Variants in SMARCAD1 observed in about 807,000 individuals in gnomAD.
SMARCAD1 encodes SWI/SNF-related matrix-associated actin-dependent regulator of chromatin subfamily A containing DEAD/H box 1.
Under a neutral mutation model 127.1 loss-of-function variants are expected in SMARCAD1, and 25 were observed. The observed-to-expected ratio is 0.20, with a 90% CI of 0.14 to 0.27. The LOEUF (loss-of-function observed/expected upper bound fraction) is 0.27, where lower values mean the gene tolerates loss of function less well. Ranked by LOEUF, SMARCAD1 falls within the 10% of genes least tolerant of loss-of-function variation. The pLI, the probability that SMARCAD1 is intolerant of heterozygous loss-of-function variation, is 1.00. For missense variants in SMARCAD1, 807 were observed against 1,206.0 expected (o/e 0.67, Z 4.90); for synonymous variants, 400 against 396.9 (o/e 1.01, Z -0.09).
intron 9 of SMARCAD1, chr4:94,253,567 C>T: frequency 4.6e-6 from 5 of 1,086,006 alleles, no homozygotes; most frequent in Non-Finnish European, 5.6e-6. Context: ...GCAACGTGGC[C>T]ATTTTATGGA....
chr4:94,249,987 T>C (rs1321527378), intron 7 of SMARCAD1, among the ~76,000 whole-genome samples: 1 of 151,994 alleles, frequency 6.6e-6, no homozygotes, highest in African/African-American at 2.4e-5. Flanking sequence ...AAAATAACCG[T>C]AATAAAAATT....
intron 2 of SMARCAD1, among the ~76,000 whole-genome samples, chr4:94,211,931 A>T (rs1226560690): frequency 9.2e-6 from 1 of 109,098 alleles, no homozygotes; most frequent in African/African-American, 3.6e-5. Flanking sequence ...CATAGTATTT[A>T]TCACTAGCTA....
At chr4:94,259,629 C>A (rs1688021692) in intron 9 of SMARCAD1, among the ~76,000 whole-genome samples, 2 of 152,120 alleles carry the variant, frequency 1.3e-5, no homozygotes, top group African/African-American at 4.8e-5. Flanking sequence ...GTTAAAGCGT[C>A]CTGAAGTAAG....
chr4:94,262,177 A>G (rs1415234277), intron 9 of SMARCAD1, among the ~76,000 whole-genome samples: 1 of 152,166 alleles, frequency 6.6e-6, no homozygotes, highest in Non-Finnish European at 1.5e-5. Flanking sequence ...CCTAAGATAC[A>G]GATCTTTATT....
chr4:94,290,371 A>G lies in SMARCAD1; in HGVS notation c.*837A>G, dbSNP rs1322841280. 2 of 454,446 alleles carry G rather than the reference A, an allele frequency of 4.4e-6. No individual in the cohort carries two copies. Among genetic ancestry groups the G allele is most frequent in the Non-Finnish European group, 4.4e-6 (1 of 226,768 alleles). The allele number at this position is 454,446 out of a possible 1,614,324, so 28.2% of individuals were successfully genotyped here. A position where few individuals can be genotyped will look rare whatever the true frequency, so the allele number is the denominator to read the frequency against. ...CCAATTCTCTTCCTCTCTAAATAGT[A>G]GTTTATTACTGCCACATCTCCATGC... On this transcript the variant is annotated 3_prime_UTR_variant, in exon 24 of 24. Transcript: ENST00000354268.
At chr4:94,238,656 T>G (rs1230964236) in intron 5 of SMARCAD1, among the ~76,000 whole-genome samples, 4 of 152,082 alleles carry the variant, frequency 2.6e-5, no homozygotes, top group Non-Finnish European at 5.9e-5. Context: ...TCCTGAAAAA[T>G]GATACGCTCA....
chr4:94,241,768 G>GT (rs2125885588), intron 6 of SMARCAD1, among the ~76,000 whole-genome samples: 1 of 152,232 alleles, frequency 6.6e-6, no homozygotes, highest in Non-Finnish European at 1.5e-5. Flanking sequence ...AGCACTGACC[G>GT]TAACAATAGC....
At position 94,247,774 on chromosome 4, in the gene SMARCAD1, A is replaced by G. The variant is rs141669221; in HGVS notation, c.706-1880A>G. 3.4e-3 allele frequency among the ~76,000 whole-genome samples: 525 copies of G among 152,308 alleles called. 2 individuals carry two copies. The highest frequency in any genetic ancestry group is 0.012 in the African/African-American group (508 of 41,556). On this transcript the variant is annotated intron_variant, in intron 6 of 23. Coordinates refer to ENST00000354268, the MANE Select transcript of SMARCAD1 (RefSeq NM_020159.5). ...GAACATTTCATTTAGGTGGAATTAT[A>G]TAATATGTAACCTTTTATGTCTAGC...
intron 2 of SMARCAD1, among the ~76,000 whole-genome samples, chr4:94,213,623 A>C (rs899680334): frequency 2.6e-5 from 4 of 152,194 alleles, no homozygotes; most frequent in Middle Eastern, 3.4e-3. Context: ...ATGACTGTAG[A>C]GATGACAGAG....
chr4:94,241,023 A>C lies in SMARCAD1; in HGVS notation c.705+17A>C, dbSNP rs376150132. ...CTGGATCATGTAAGTTTACATTTGA[A>C]TTACAGTATCAAAATTGGCTGCTTA... On this transcript the variant is annotated intron_variant, in intron 6 of 23. Coordinates refer to ENST00000354268, the MANE Select transcript of SMARCAD1 (RefSeq NM_020159.5). 41 of 1,571,964 alleles carry C rather than the reference A, an allele frequency of 2.6e-5. No individual in the cohort carries two copies. The highest frequency in any genetic ancestry group is 1.7e-4 in the Admixed American group (10 of 59,852).
At chr4:94,218,429 A>G (rs943542360) in intron 2 of SMARCAD1, among the ~76,000 whole-genome samples, 1 of 151,972 alleles carries the variant, frequency 6.6e-6, no homozygotes, top group African/African-American at 2.4e-5. Flanking sequence ...AGTAGCTGGT[A>G]CCACAGGCAT....
At chr4:94,264,001 A>G (rs1280571216) in intron 9 of SMARCAD1, among the ~76,000 whole-genome samples, 8 of 152,068 alleles carry the variant, frequency 5.3e-5, no homozygotes, top group African/African-American at 7.2e-5. Flanking sequence ...AAATACAACT[A>G]TATTTTGAAA....
chr4:94,265,728 A>G (rs900072985), intron 10 of SMARCAD1, among the ~76,000 whole-genome samples: 15 of 151,990 alleles, frequency 9.9e-5, no homozygotes, highest in Admixed American at 9.8e-4. Context: ...TATGATATTT[A>G]TAGTGGCAAA....
At chr4:94,262,091 C>A (rs1751078758) in intron 9 of SMARCAD1, among the ~76,000 whole-genome samples, 1 of 152,100 alleles carries the variant, frequency 6.6e-6, no homozygotes, top group Non-Finnish European at 1.5e-5. Flanking sequence ...TGTGCTTTTC[C>A]TTAGGTAATC....
At chr4:94,283,439 C>A in intron 22 of SMARCAD1, 136 bp downstream of exon 22, 1 of 769,316 alleles carries the variant, frequency 1.3e-6, no homozygotes. Context: ...TATTTTATAC[C>A]AGCAGTGTTG....
At chr4:94,239,186 TG>T (rs1747182718) in intron 5 of SMARCAD1, among the ~76,000 whole-genome samples, 1 of 152,230 alleles carries the variant, frequency 6.6e-6, no homozygotes, top group African/African-American at 2.4e-5. Context: ...GTATATAGAA[TG>T]ACAGGTTTGT....
chr4:94,253,789 A>G (rs2125920247), intron 9 of SMARCAD1: 6 of 714,802 alleles, frequency 8.4e-6, no homozygotes, highest in Non-Finnish European at 1.0e-5. Context: ...TTATTCATAC[A>G]GATAAATATA....
Position 94,264,796 on chromosome 4 carries a change from G to A in SMARCAD1, c.1371G>A (p.Arg457=). ...TLIQERDVVI[R]LMNKCEDISN... ...TCCAAGAAAGAGATGTAGTTATAAGGCTTATGAACAAATGTGAAGACATTT... is the reference window on the plus strand; with the variant it reads ...TCCAAGAAAGAGATGTAGTTATAAGACTTATGAACAAATGTGAAGACATTT... Residue 457 remains arginine, a synonymous_variant, in exon 10 of 24, where the codon AGG becomes AGA. Transcript: ENST00000354268. 1 of 1,612,884 alleles carries A rather than the reference G, an allele frequency of 6.2e-7. No homozygotes were observed.
chr4:94,277,425 C>G (rs978987493), intron 16 of SMARCAD1, among the ~76,000 whole-genome samples: 17 of 152,070 alleles, frequency 1.1e-4, no homozygotes, highest in African/African-American at 4.1e-4. Context: ...ATGAAGAGCT[C>G]AGATATATAG....
Sources: gnomAD v4.1 joint callset for allele counts (sites outside exome capture counted in the v4.1 genomes callset) on GRCh38, gnomAD v4.1.1 for gene constraint, MANE v1.5 for transcripts, NCBI Gene and HGNC (gene_info 2026-07-23, HGNC 2026-07-21) for gene names.